The following SMYD3 variants were observed in gnomAD, a reference collection of about 807,000 sequenced individuals.
SMYD3 encodes the protein histone-lysine N-methyltransferase SMYD3.
A neutral mutation model predicts 57.7 loss-of-function variants in SMYD3; 36 were observed. The ratio of observed to expected loss-of-function variants is 0.62; its 90% confidence interval spans 0.48 to 0.82. The LOEUF is 0.82. Ranked by LOEUF, SMYD3 falls within the 40% of genes least tolerant of loss-of-function variation. The pLI is 0.00. For synonymous variants in SMYD3, 211 were observed against 195.0 expected (o/e 1.08, Z -0.68); for missense variants, 515 against 538.8 (o/e 0.96, Z 0.44).
chr1:246,076,399 C>T (rs2060548031), intron 5 of SMYD3, among the ~76,000 whole-genome samples: 1 of 152,158 alleles, frequency 6.6e-6, no homozygotes, highest in African/African-American at 2.4e-5. Flanking sequence ...CAGACCAACA[C>T]AGAGAAGTGC....
At chr1:246,408,981 G>A (rs1016007571) in intron 1 of SMYD3, among the ~76,000 whole-genome samples, 1 of 152,006 alleles carries the variant, frequency 6.6e-6, no homozygotes. Context: ...AGTCTTTAAA[G>A]TATAAAACCT....
chr1:246,266,074 TTCTTGTTTGCTGAACAC>T (rs1414270175), intron 5 of SMYD3, among the ~76,000 whole-genome samples: 1 of 152,236 alleles, frequency 6.6e-6, no homozygotes, highest in Non-Finnish European at 1.5e-5. Context: ...ATCTTTTTAG[TTCTTGTTTGCTGAACAC>T]CTGATTTTAA....
At chr1:245,756,313 C>T (rs1043833398) in intron 11 of SMYD3, among the ~76,000 whole-genome samples, 3 of 151,636 alleles carry the variant, frequency 2.0e-5, no homozygotes, top group Non-Finnish European at 4.4e-5. Flanking sequence ...ATACAATTGC[C>T]CTAAATATTT....
At chr1:246,192,586 C>T (rs1368398803) in intron 5 of SMYD3, among the ~76,000 whole-genome samples, 1 of 152,084 alleles carries the variant, frequency 6.6e-6, no homozygotes, top group Non-Finnish European at 1.5e-5. Flanking sequence ...CCAAGATTCG[C>T]AGTTAATGTA....
intron 5 of SMYD3, among the ~76,000 whole-genome samples, chr1:245,970,417 TAAAACACC>T (rs2058269060): frequency 6.6e-6 from 1 of 152,138 alleles, no homozygotes. Context: ...ACTTCATGTC[TAAAACACC>T]AAAAGCAATG....
intron 5 of SMYD3, among the ~76,000 whole-genome samples, chr1:246,024,385 G>A (rs1171881019): frequency 9.6e-6 from 1 of 104,398 alleles, no homozygotes; most frequent in Non-Finnish European, 2.0e-5. Flanking sequence ...GGGAGATACA[G>A]GAAGTGGACA....
chr1:246,272,937 T>C (rs1373619992), intron 5 of SMYD3, among the ~76,000 whole-genome samples: 4 of 152,170 alleles, frequency 2.6e-5, no homozygotes, highest in Non-Finnish European at 5.9e-5. Context: ...GTTGAGAGAT[T>C]ATTGATTACT....
At chr1:246,029,671 C>G (rs1220228518) in intron 5 of SMYD3, among the ~76,000 whole-genome samples, 1 of 70,054 alleles carries the variant, frequency 1.4e-5, no homozygotes, top group Non-Finnish European at 2.5e-5. Flanking sequence ...GACTCTGTCT[C>G]AGAAAAAAAA....
intron 5 of SMYD3, among the ~76,000 whole-genome samples, chr1:246,280,323 T>A (rs1204918929): frequency 1.3e-5 from 2 of 152,212 alleles, no homozygotes; most frequent in East Asian, 3.9e-4. Context: ...ATGCACATGA[T>A]ATAGTCAGGC....
intron 8 of SMYD3, among the ~76,000 whole-genome samples, chr1:245,909,273 G>A (rs564416928): frequency 2.6e-5 from 4 of 152,132 alleles, no homozygotes; most frequent in African/African-American, 9.6e-5. Flanking sequence ...CAGAAAACGT[G>A]AACAGAACAA....
chr1:246,365,821 A>T (rs1050636212), intron 1 of SMYD3, among the ~76,000 whole-genome samples: 4 of 152,162 alleles, frequency 2.6e-5, no homozygotes, highest in East Asian at 1.9e-4. Context: ...AAATCGCCAA[A>T]AGCTGTCCAG....
intron 5 of SMYD3, among the ~76,000 whole-genome samples, chr1:246,253,350 T>C (rs1050424643): frequency 1.3e-5 from 2 of 152,212 alleles, no homozygotes; most frequent in African/African-American, 4.8e-5. Context: ...AGCTCCCACT[T>C]CTAAGTGAGA....
At chr1:245,968,658 C>T (rs890867935) in intron 5 of SMYD3, among the ~76,000 whole-genome samples, 3 of 152,118 alleles carry the variant, frequency 2.0e-5, no homozygotes, top group Non-Finnish European at 4.4e-5. Context: ...TCTTGTGACT[C>T]GGGGCAAGTT....
intron 10 of SMYD3, among the ~76,000 whole-genome samples, chr1:245,779,165 G>GAAAAAAAAAAAAAAAAAA (rs369697643): frequency 1.6e-5 from 2 of 126,554 alleles, no homozygotes; most frequent in Non-Finnish European, 3.7e-5. Flanking sequence ...GTCCCAAGGG[G>GAAAAAAAAAAAAAAAAAA]AAAAAAAAAA....
chr1:246,469,913 A>G (rs145374352), intron 1 of SMYD3, among the ~76,000 whole-genome samples: 2 of 152,206 alleles, frequency 1.3e-5, no homozygotes, highest in African/African-American at 4.8e-5. Context: ...AACTTCACCA[A>G]CTAGGAGCAG....
chr1:246,410,999 G>A (rs1159640788), intron 1 of SMYD3, among the ~76,000 whole-genome samples: 1 of 126,528 alleles, frequency 7.9e-6, no homozygotes, highest in Non-Finnish European at 1.6e-5. Context: ...TTGTATTTCT[G>A]TGGGATCGGT....
chr1:245,749,391 C>G lies in SMYD3; in HGVS notation c.*172G>C, dbSNP rs999765233. 6 of 534,502 alleles carry G rather than the reference C, an allele frequency of 1.1e-5. No individual in the cohort carries two copies. In the African/African-American group the frequency reaches 1.2e-4, roughly 10 times the overall value. The allele number at this position is 534,502 out of a possible 1,614,324, so 33.1% of individuals were successfully genotyped here. On this transcript the variant is annotated 3_prime_UTR_variant, in exon 12 of 12. Coordinates refer to ENST00000490107, the MANE Select transcript of SMYD3 (RefSeq NM_001167740.2). The stretch of plus-strand genomic sequence containing the variant: ...AATTTATTATAATCGTGCTTCTCTA[C>G]AACTAATGATTCTTGTGGTTTGCAA...
intron 1 of SMYD3, chr1:246,483,453 C>A (rs1424215819): frequency 6.6e-6 from 1 of 152,178 alleles, no homozygotes; most frequent in Non-Finnish European, 1.5e-5. Flanking sequence ...CCAGAAGTAT[C>A]CTGTTCTTCC....
chr1:245,952,100 T>C (rs1472637783), intron 5 of SMYD3, among the ~76,000 whole-genome samples: 1 of 149,858 alleles, frequency 6.7e-6, no homozygotes, highest in Non-Finnish European at 1.5e-5. Context: ...GGAAAAGAAA[T>C]GTTGGTGTCA....
Sources: allele counts gnomAD v4.1 joint callset (sites outside exome capture counted in the v4.1 genomes callset), GRCh38; gene constraint gnomAD v4.1.1; transcripts MANE v1.5; gene names NCBI Gene and HGNC (gene_info 2026-07-23, HGNC 2026-07-21).